The following CMIP variants were observed in gnomAD, a reference collection of about 807,000 sequenced individuals.
The protein encoded by CMIP is c-Maf inducing protein.
A neutral mutation model predicts 97.3 loss-of-function variants in CMIP; 13 were observed. The ratio of observed to expected loss-of-function variants is 0.13; its 90% CI spans 0.09 to 0.21. The LOEUF is 0.21. Among genes scored for constraint, CMIP ranks in the 10% least tolerant of loss-of-function variants. The pLI is 1.00. For synonymous variants in CMIP, 538 were observed against 436.3 expected (o/e 1.23, Z -2.91); for missense variants, 847 against 1,024.9 (o/e 0.83, Z 2.37).
chr16:81,681,682 A>G (rs749046297), intron 10 of CMIP, among the ~76,000 whole-genome samples: 3 of 152,208 alleles, frequency 2.0e-5, no homozygotes, highest in Non-Finnish European at 4.4e-5. Context: ...TTGAGAGAGA[A>G]AAGCCACATG....
At chr16:81,706,845 G>A (rs904408226) in intron 19 of CMIP, among the ~76,000 whole-genome samples, 169 bp from the exon 20 acceptor site, 3 of 152,164 alleles carry the variant, frequency 2.0e-5, no homozygotes, top group Non-Finnish European at 4.4e-5. Context: ...TAGACTTTCG[G>A]TGTCTAGTGG....
At chr16:81,665,125 G>C (rs901418890) in intron 7 of CMIP, 1 of 152,180 alleles carries the variant, frequency 6.6e-6, no homozygotes, top group African/African-American at 2.4e-5. Flanking sequence ...GAGGAAATCT[G>C]AATAAAGCTT....
chr16:81,513,559 G>A (rs1482100046), intron 1 of CMIP, among the ~76,000 whole-genome samples: 2 of 152,164 alleles, frequency 1.3e-5, no homozygotes, highest in African/African-American at 4.8e-5. Flanking sequence ...GGGCTGAGCC[G>A]GCGTGGAGCT....
rs35435211 is a variant in CMIP at position 81,518,835 on chromosome 16, A to ATTTT, written c.300+73310_300+73313dup. 1.9e-4 allele frequency: 23 copies of ATTTT among 123,336 alleles called. 1 individual carries two copies. The highest frequency in any genetic ancestry group is 4.2e-4 in the Admixed American group (5 of 11,944). 7.6% of individuals were successfully genotyped at this position (123,336 alleles called of 1,614,324 possible). A position where few individuals can be genotyped will look rare whatever the true frequency, so the allele number is the denominator to read the frequency against. ...GCAACATAGCGAGACCTGCATCTCT[A>ATTTT]TTTTTTTTTTTTTTTTTTTGAGACA... On this transcript the variant is annotated intron_variant, in intron 1 of 20. Coordinates refer to ENST00000537098, the MANE Select transcript of CMIP (RefSeq NM_198390.3).
chr16:81,497,028 G>T (rs1033127085), intron 1 of CMIP, among the ~76,000 whole-genome samples: 5 of 152,254 alleles, frequency 3.3e-5, no homozygotes, highest in African/African-American at 1.2e-4. Context: ...CCTCGTAAGG[G>T]GTGTCCGGGC....
intron 1 of CMIP, among the ~76,000 whole-genome samples, chr16:81,577,347 A>T (rs952103000): frequency 6.6e-6 from 1 of 150,638 alleles, no homozygotes; most frequent in Non-Finnish European, 1.5e-5. Flanking sequence ...CATCACCATC[A>T]TCACCATCAC....
intron 10 of CMIP, among the ~76,000 whole-genome samples, chr16:81,681,455 C>G (rs929992524): frequency 5.3e-5 from 8 of 152,212 alleles, no homozygotes; most frequent in African/African-American, 1.9e-4. Flanking sequence ...CTCTCTGAGC[C>G]TCCGGTCCCA....
At chr16:81,546,037 T>C (rs1291054966) in intron 1 of CMIP, among the ~76,000 whole-genome samples, 1 of 152,148 alleles carries the variant, frequency 6.6e-6, no homozygotes, top group Non-Finnish European at 1.5e-5. Flanking sequence ...TCGCTGTGAA[T>C]AGCAGTGTTG....
chr16:81,531,257 A>C (rs1046512400), intron 1 of CMIP, among the ~76,000 whole-genome samples: 23 of 152,312 alleles, frequency 1.5e-4, no homozygotes, highest in African/African-American at 5.3e-4. Flanking sequence ...TTCAGCTGCT[A>C]GCCAAGGAAT....
rs913659547 is a variant in CMIP, at chr16:81,627,994, A to T, written c.477+7068A>T. ...CTGGCTGCACCCTCAGGAGGGCGGG[A>T]TCCATCACCCTCATCCCCATGCAGG... is the stretch of plus-strand genomic sequence containing the variant. On this transcript the variant is annotated intron_variant, in intron 3 of 20. Transcript: ENST00000537098. This position sits in a 1 kb window ranked among gnomAD's most constrained non-coding sequence, Gnocchi z 4.6. 5.9e-5 allele frequency among the ~76,000 whole-genome samples: 9 copies of T among 152,212 alleles called. No individual in the cohort carries two copies. The highest frequency in any genetic ancestry group is 1.2e-4 in the Non-Finnish European group (8 of 67,984).
At chr16:81,546,871 C>T (rs568296942) in intron 1 of CMIP, among the ~76,000 whole-genome samples, 1 of 152,168 alleles carries the variant, frequency 6.6e-6, no homozygotes, top group South Asian at 2.1e-4. Context: ...AGGCACGTAG[C>T]CACACTTCAG....
intron 1 of CMIP, among the ~76,000 whole-genome samples, chr16:81,467,328 G>T (rs1907263026): frequency 6.6e-6 from 1 of 152,166 alleles, no homozygotes. Flanking sequence ...AGCCTGCCTA[G>T]TGAGGCAGGG....
intron 1 of CMIP, among the ~76,000 whole-genome samples, chr16:81,593,923 C>CCTTCCCT (rs1267168750): frequency 1.3e-5 from 2 of 151,788 alleles, no homozygotes; most frequent in Admixed American, 6.6e-5. Context: ...GTATTCCTTC[C>CCTTCCCT]CTTCCCTCTT....
intron 1 of CMIP, among the ~76,000 whole-genome samples, chr16:81,482,172 C>T (rs2089236068): frequency 1.3e-5 from 2 of 152,150 alleles, no homozygotes; most frequent in African/African-American, 4.8e-5. Flanking sequence ...AGCTACCGGG[C>T]CTGTCCCTGC....
intron 1 of CMIP, among the ~76,000 whole-genome samples, chr16:81,591,782 C>T (rs2091470103): frequency 6.6e-6 from 1 of 151,236 alleles, no homozygotes; most frequent in South Asian, 2.1e-4. Flanking sequence ...AAGATTTCTG[C>T]CCTTCTGCTT....
At chr16:81,647,098 C>G (rs567431684) in intron 3 of CMIP, among the ~76,000 whole-genome samples, 3 of 152,334 alleles carry the variant, frequency 2.0e-5, no homozygotes, top group African/African-American at 7.2e-5. Flanking sequence ...CCAGTTTCTC[C>G]ACACCTTTGC....
chr16:81,560,618 C>A (rs2090863939), intron 1 of CMIP, among the ~76,000 whole-genome samples: 1 of 152,222 alleles, frequency 6.6e-6, no homozygotes, highest in South Asian at 2.1e-4. Flanking sequence ...CATTCACTCA[C>A]CGCTCACTCA....
intron 5 of CMIP, among the ~76,000 whole-genome samples, 197 bp from the exon 6 acceptor site, chr16:81,660,687 C>T (rs2092535521): frequency 6.6e-6 from 1 of 152,172 alleles, no homozygotes; most frequent in African/African-American, 2.4e-5. Flanking sequence ...GACAAACCCA[C>T]ACAGACAGAT....
At chr16:81,617,547 G>A in intron 2 of CMIP, 1 of 152,544 alleles carries the variant, frequency 6.6e-6, no homozygotes, top group Non-Finnish European at 1.5e-5. Context: ...GGGAAGGGCT[G>A]GGCTAGCCAT....
Sources: gnomAD v4.1 joint callset for allele counts (sites outside exome capture counted in the v4.1 genomes callset) on GRCh38, gnomAD v4.1.1 for gene constraint, Gnocchi (gnomAD v3.1) non-coding constraint, MANE v1.5 for transcripts, NCBI Gene and HGNC (gene_info 2026-07-23, HGNC 2026-07-21) for gene names.